EDARADD: variants seen among roughly 807,000 people sequenced by gnomAD.
EDARADD encodes the protein ectodysplasin-A receptor-associated adapter protein.
EDARADD carries 20 observed loss-of-function variants against 25.6 expected under a neutral mutation model. That is an observed-to-expected ratio of 0.78 (90% CI 0.55 to 1.14). EDARADD has a LOEUF of 1.14. Among genes scored for constraint, EDARADD ranks in the 50% most tolerant of loss-of-function variants. The pLI is 0.00. For synonymous variants in EDARADD, 86 were observed against 94.4 expected (o/e 0.91, Z 0.52); for missense variants, 225 against 270.1 (o/e 0.83, Z 1.17).
chr1:236,415,384 G>A (rs758637817), intron 3 of EDARADD, among the ~76,000 whole-genome samples: 4 of 152,188 alleles, frequency 2.6e-5, no homozygotes, highest in Non-Finnish European at 4.4e-5. Flanking sequence ...CATAGGGGTG[G>A]CTAGACCCTA....
At chr1:236,399,831 G>T (rs2103002689) in intron 1 of EDARADD, among the ~76,000 whole-genome samples, 1 of 152,340 alleles carries the variant, frequency 6.6e-6, no homozygotes, top group African/African-American at 2.4e-5. Context: ...TTCTCCCTTT[G>T]TTCTGAGACT....
chr1:236,390,258 T>C (rs1252498679), upstream of EDARADD, among the ~76,000 whole-genome samples: 2 of 152,080 alleles, frequency 1.3e-5, no homozygotes, highest in Admixed American at 6.5e-5. Flanking sequence ...AAACCACCAC[T>C]AAAGAACTTA....
chr1:236,442,745 CACATT>C (rs1232337396), intron 4 of EDARADD, among the ~76,000 whole-genome samples: 1 of 152,192 alleles, frequency 6.6e-6, no homozygotes, highest in Non-Finnish European at 1.5e-5. Context: ...TTCCTTTCAA[CACATT>C]ACTGTTCATT....
At chr1:236,428,651 C>T (rs537442404) in intron 4 of EDARADD, among the ~76,000 whole-genome samples, 4 of 135,012 alleles carry the variant, frequency 3.0e-5, no homozygotes, top group Admixed American at 7.4e-5. Flanking sequence ...ACTTCCTAGA[C>T]GGGATGGCGG....
chr1:236,354,245 A>G (rs1198158276), intron 3 of EDARADD, among the ~76,000 whole-genome samples: 1 of 152,230 alleles, frequency 6.6e-6, no homozygotes, highest in African/African-American at 2.4e-5. Flanking sequence ...CAAATGACTT[A>G]CACACATGAA....
chr1:236,434,647 A>G (rs1658194247), intron 4 of EDARADD, among the ~76,000 whole-genome samples: 1 of 152,078 alleles, frequency 6.6e-6, no homozygotes, highest in South Asian at 2.1e-4. Flanking sequence ...AAGCCCAAAT[A>G]TTGGACACCC....
At chr1:236,364,230 C>A (rs184459216) in intron 3 of EDARADD, among the ~76,000 whole-genome samples, 71 of 152,242 alleles carry the variant, frequency 4.7e-4, no homozygotes, top group African/African-American at 1.7e-3. Flanking sequence ...CATTTTATAG[C>A]AATGCGAGAA....
intron 4 of EDARADD, among the ~76,000 whole-genome samples, chr1:236,428,384 G>A (rs115005517): frequency 0.45 from 67,857 of 151,548 alleles, 17,425 homozygotes; most frequent in Non-Finnish European, 0.59. Context: ...CCACACAGAC[G>A]CAGTAACAAT....
At chr1:236,478,464 G>A (rs1488581762) in intron 5 of EDARADD, among the ~76,000 whole-genome samples, 1 of 150,690 alleles carries the variant, frequency 6.6e-6, no homozygotes, top group African/African-American at 2.4e-5. Flanking sequence ...ATATGTGTGT[G>A]TGTGTATATA....
At chr1:236,478,743 C>T (rs1659581269) in intron 5 of EDARADD, among the ~76,000 whole-genome samples, 1 of 152,144 alleles carries the variant, frequency 6.6e-6, no homozygotes, top group African/African-American at 2.4e-5. Flanking sequence ...CCCGCCATCA[C>T]GCCCAGATAA....
intron 5 of EDARADD, among the ~76,000 whole-genome samples, chr1:236,476,526 AT>A (rs35190730): frequency 6.3e-4 from 92 of 147,000 alleles, no homozygotes; most frequent in Admixed American, 6.8e-4. Flanking sequence ...GTCCCTACAG[AT>A]TTTTTTTTTT....
At position 236,372,027 on chromosome 1, in the gene EDARADD, G is replaced by A. The variant is rs1667178410; in HGVS notation, c.-6+21188G>A. ...GCTTTAGTGCAGTGGTGCGATCTCG[G>A]CTCACTGCAGCCTCTGACTCCCGGG... is the stretch of plus-strand genomic sequence containing the variant. On this transcript the variant is annotated intron_variant, in intron 3 of 7. Transcript: ENST00000439430. Among the ~76,000 whole-genome samples the A allele has an allele frequency of 2.0e-5, 3 of 152,034 alleles. No individual in the cohort carries two copies. The South Asian group carries it at 6.2e-4, about 32-fold the overall frequency.
intron 3 of EDARADD, among the ~76,000 whole-genome samples, chr1:236,379,242 T>G (rs1005628670): frequency 4.6e-5 from 7 of 151,794 alleles, no homozygotes; most frequent in Admixed American, 3.9e-4. Context: ...TGCTGGCGCA[T>G]GTCTGTAATC....
At chr1:236,381,800 G>GT (rs1558105353) in intron 3 of EDARADD, among the ~76,000 whole-genome samples, 3 of 16,910 alleles carry the variant, frequency 1.8e-4, no homozygotes, top group African/African-American at 3.6e-4. Flanking sequence ...TCCTGTGGTT[G>GT]CTTTTTTTTT....
chr1:236,423,943 T>C (rs1340543059), intron 3 of EDARADD, among the ~76,000 whole-genome samples: 1 of 151,828 alleles, frequency 6.6e-6, no homozygotes, highest in Non-Finnish European at 1.5e-5. Flanking sequence ...CTGTCTCTAC[T>C]AAAAATACAA....
At chr1:236,437,384 TCCCACAC>T (rs770060550) in intron 4 of EDARADD, among the ~76,000 whole-genome samples, 10 of 152,138 alleles carry the variant, frequency 6.6e-5, no homozygotes, top group Non-Finnish European at 1.0e-4. Context: ...GAACTTGATG[TCCCACAC>T]CCTGGAAAGT....
At chr1:236,405,779 TTCTTTCTTTCTTTTCTTTTTC>T (rs1175220098) in intron 1 of EDARADD, among the ~76,000 whole-genome samples, 10 of 49,996 alleles carry the variant, frequency 2.0e-4, no homozygotes, top group African/African-American at 6.5e-4. Flanking sequence ...CTTTCTTTCT[TTCTTTCTTTCTTTTCTTTTTC>T]TTTCTTTCTT....
intron 4 of EDARADD, among the ~76,000 whole-genome samples, chr1:236,462,910 A>G (rs1456164686): frequency 6.6e-6 from 1 of 152,184 alleles, no homozygotes; most frequent in Non-Finnish European, 1.5e-5. Flanking sequence ...GTTTGAAACA[A>G]CCCATGTCCA....
At chr1:236,477,884 C>G (rs1659555422) in intron 5 of EDARADD, among the ~76,000 whole-genome samples, 2 of 152,130 alleles carry the variant, frequency 1.3e-5, no homozygotes, top group Admixed American at 6.6e-5. Context: ...GGGCAGATCA[C>G]TTGAGCTCAG....
Sources: allele counts gnomAD v4.1 joint callset (sites outside exome capture counted in the v4.1 genomes callset), GRCh38; gene constraint gnomAD v4.1.1; transcripts MANE v1.5; gene names NCBI Gene and HGNC (gene_info 2026-07-23, HGNC 2026-07-21).